DIDO1: variants seen among roughly 807,000 people sequenced by gnomAD.
The protein encoded by DIDO1 is death-inducer obliterator 1.
Under a neutral mutation model 99.4 loss-of-function variants are expected in DIDO1, and 16 were observed. The ratio of observed to expected loss-of-function variants is 0.16; its 90% CI spans 0.11 to 0.24. DIDO1 has a LOEUF of 0.24. DIDO1 is among the 10% of genes least tolerant of loss of function. The pLI, the probability that DIDO1 is intolerant of heterozygous loss-of-function variation, is 1.00. For missense variants in DIDO1, 2,996 were observed against 3,014.0 expected, an observed-to-expected ratio of 0.99 and a Z score of 0.14; for synonymous variants, 1,366 against 1,239.1, an observed-to-expected ratio of 1.10 and a Z score of -2.15.
chr20:62,906,358 C>A (rs1304858427), intron 5 of DIDO1, among the ~76,000 whole-genome samples: 1 of 152,186 alleles, frequency 6.6e-6, no homozygotes, highest in Non-Finnish European at 1.5e-5. Flanking sequence ...ACAGAGTCAC[C>A]TGCAACCCTG....
intron 6 of DIDO1, among the ~76,000 whole-genome samples, chr20:62,904,287 C>T (rs1378182732): frequency 6.6e-6 from 1 of 152,164 alleles, no homozygotes; most frequent in South Asian, 2.1e-4. Flanking sequence ...CGTAGAGGTG[C>T]TAGAATCTGA....
chr20:62,910,383 G>A (rs1445322574), intron 3 of DIDO1, among the ~76,000 whole-genome samples: 1 of 152,218 alleles, frequency 6.6e-6, no homozygotes, highest in Non-Finnish European at 1.5e-5. Flanking sequence ...TTTGCACTAG[G>A]ACACTTGCGG....
rs773059417 is a variant in DIDO1, at chr20:62,911,051, G to A, written c.562C>T (p.Leu188=). ...CCCTCCTCCCGGCGCTTCTTCCGCA[G>A]GCGACTCTGGATCCCTTTCAGGGGC... ...ERPLKGIQSR[L]RKKRREEGPA... is the part of the protein sequence containing the mutation. Residue 188 remains leucine (L), a synonymous_variant, in exon 3 of 16, where the codon CTG becomes TTG. Transcript: ENST00000395343. The surrounding 1 kb of genome is among the most constrained non-coding windows in gnomAD (Gnocchi z 7.0). The A allele has an allele frequency of 3.1e-6, 5 of 1,613,748 alleles. No homozygotes were observed. The highest frequency in any genetic ancestry group is 1.1e-5 in the South Asian group (1 of 91,076).
intron 2 of DIDO1, among the ~76,000 whole-genome samples, chr20:62,913,305 C>A (rs374841907): frequency 5.2e-5 from 6 of 116,496 alleles, no homozygotes; most frequent in Non-Finnish European, 1.3e-4. Flanking sequence ...GCACCAGCAG[C>A]GACTCCAAGT....
intron 15 of DIDO1, chr20:62,890,194 T>A (rs2273084): frequency 2.0e-6 from 2 of 985,814 alleles, no homozygotes; most frequent in Non-Finnish European, 2.4e-6. Context: ...CACACCCGCT[T>A]TGAGAGAACA....
chr20:62,897,472 T>C (rs1184474774), intron 6 of DIDO1, among the ~76,000 whole-genome samples: 1 of 152,216 alleles, frequency 6.6e-6, no homozygotes. Context: ...TCTCACTTCG[T>C]TGTCCTTCCA....
At position 62,889,852 on chromosome 20, in the gene DIDO1, C is replaced by T. The variant is rs544095764; in HGVS notation, c.3541+1108G>A. 32 of 985,456 alleles carry T rather than the reference C, an allele frequency of 3.2e-5. No homozygotes were observed. In the East Asian group the frequency reaches 2.9e-3, roughly 91 times the overall value. 61.0% of individuals were successfully genotyped at this position (985,456 alleles called of 1,614,324 possible). On this transcript the variant is annotated intron_variant, in intron 15 of 15. Coordinates refer to ENST00000395343, the MANE Select transcript of DIDO1 (RefSeq NM_001193369.2). The stretch of plus-strand genomic sequence containing the variant: ...GCACCACGCCAGCAAATATTTAACC[C>T]TGAAATTACTGATACCAACCAATCC...
intron 1 of DIDO1, among the ~76,000 whole-genome samples, chr20:62,934,073 C>A (rs1009115354): frequency 2.6e-5 from 4 of 152,196 alleles, no homozygotes; most frequent in Non-Finnish European, 5.9e-5. Context: ...CATAGGAAAG[C>A]TCAGGCAGTT....
rs773360696 is a variant in DIDO1 at position 62,881,428 on chromosome 20, A to T, written c.4528T>A (p.Ser1510Thr). The change falls in exon 16 of 16, where the codon TCC becomes ACC. Residue 1510 changes from serine to threonine, a missense_variant. Ser to Thr is a moderately conservative substitution (Grantham distance 58, BLOSUM62 1). This residue lies in a region of DIDO1 where 1,562 missense variants were observed against 1,412.6 expected (regional missense o/e 1.11). Transcript: ENST00000395343. The surrounding 1 kb of genome is among the most constrained non-coding windows in gnomAD (Gnocchi z 8.3). ...TCCGACACCGAGAAGTGGGCCATGGAGACCCCGACGGCGGCCCTCTGCTGC... is the reference window on the plus strand; with the variant it reads ...TCCGACACCGAGAAGTGGGCCATGGTGACCCCGACGGCGGCCCTCTGCTGC... The part of the protein sequence containing the change: ...LRQQRAAVGV[S>T]MAHFSVSDAL... 3.2e-5 allele frequency: 52 copies of T among 1,606,824 alleles called. No individual in the cohort carries two copies. The highest frequency in any genetic ancestry group is 3.3e-4 in the Middle Eastern group (2 of 6,084).
chr20:62,923,956 A>G (rs1443295525), intron 1 of DIDO1, among the ~76,000 whole-genome samples: 2 of 152,244 alleles, frequency 1.3e-5, no homozygotes, highest in East Asian at 1.9e-4. Flanking sequence ...ATTCAACTTC[A>G]TATAACAACT....
intron 15 of DIDO1, among the ~76,000 whole-genome samples, chr20:62,884,649 C>T (rs544643179): frequency 1.3e-5 from 2 of 152,282 alleles, no homozygotes; most frequent in South Asian, 2.1e-4. Context: ...AGGCTGAGCA[C>T]GGAAGATGGG....
Position 62,879,165 on chromosome 20 carries a change from C to A in DIDO1, c.*68G>T. 1 of 1,366,034 alleles carries A rather than the reference C, an allele frequency of 7.3e-7. No individual in the cohort carries two copies. Among genetic ancestry groups the A allele is most frequent in the South Asian group, 1.7e-5 (1 of 60,460 alleles). 84.6% of individuals were successfully genotyped at this position (1,366,034 alleles called of 1,614,324 possible). A position where few individuals can be genotyped will look rare whatever the true frequency, so the allele number is the denominator to read the frequency against. On this transcript the variant is annotated 3_prime_UTR_variant, in exon 16 of 16. Coordinates refer to ENST00000395343, the MANE Select transcript of DIDO1 (RefSeq NM_001193369.2). The surrounding 1 kb of genome is among the most constrained non-coding windows in gnomAD (Gnocchi z 6.3). ...CCTGAATCTAAGATCGTGGCTATTT[C>A]AAAAGCTATTTGTTCAACGCATCTT...
chr20:62,900,145 G>A (rs1201234326), intron 6 of DIDO1, among the ~76,000 whole-genome samples: 1 of 152,198 alleles, frequency 6.6e-6, no homozygotes, highest in Non-Finnish European at 1.5e-5. Flanking sequence ...TGGTGACCTG[G>A]TCACACCGCA....
At position 62,909,899 on chromosome 20, in the gene DIDO1, T is replaced by C. The variant is rs371476210; in HGVS notation, c.961A>G (p.Ile321Val). ...GEDYICPNCT[I>V]LQVQDETHSE... ...TGAGTCTCATCCTGCACTTGCAGAA[T>C]GGTGCAGTTTGGGCAGATATAGTCT... The change falls in exon 4 of 16, where the codon ATT becomes GTT. Residue 321 changes from isoleucine (I) to valine (V), a missense_variant. Physicochemically the swap from Ile to Val is conservative, Grantham distance 29. Transcript: ENST00000395343. 5.0e-6 allele frequency: 8 copies of C among 1,614,232 alleles called. No individual in the cohort carries two copies. Among genetic ancestry groups the C allele is most frequent in the Non-Finnish European group, 6.8e-6 (8 of 1,180,050 alleles).
intron 1 of DIDO1, among the ~76,000 whole-genome samples, chr20:62,936,930 T>C (rs1199788483): frequency 6.6e-6 from 1 of 152,236 alleles, no homozygotes; most frequent in African/African-American, 2.4e-5. Flanking sequence ...ATGAAAAAAT[T>C]ACTGGCATGT....
At position 62,911,339 on chromosome 20, in the gene DIDO1, A is replaced by G. The variant is rs2064934440; in HGVS notation, c.274T>C (p.Ser92Pro). 1 of 1,608,692 alleles carries G rather than the reference A, an allele frequency of 6.2e-7. No homozygotes were observed. The highest frequency in any genetic ancestry group is 1.1e-5 in the South Asian group (1 of 91,070). ...GTGGGCTCACCAGAATCCTCCAGGG[A>G]GACAGGCATGCTCCTCCTGCCGCGG... ...RRRGRRSMPV[S>P]LEDSGEPTSC... Residue 92 changes from serine to proline, a missense_variant, in exon 3 of 16, where the codon TCC becomes CCC. By Grantham distance (74) the Ser-to-Pro change is moderately conservative. Around this residue, in one of 5 missense-constraint regions of DIDO1, gnomAD observed 388 missense variants for 376.6 expected, o/e 1.03. Transcript: ENST00000395343. The surrounding 1 kb of genome is among the most constrained non-coding windows in gnomAD (Gnocchi z 7.0).
At chr20:62,924,641 A>G (rs541571394) in intron 1 of DIDO1, among the ~76,000 whole-genome samples, 5 of 152,192 alleles carry the variant, frequency 3.3e-5, no homozygotes, top group Non-Finnish European at 7.3e-5. Context: ...CCTTACATGA[A>G]GAAACCCCAG....
In DIDO1 at chr20:62,911,807, T is replaced by C. The variant is rs553112330; in HGVS notation, c.-2-193A>G. Among the ~76,000 whole-genome samples the C allele has an allele frequency of 4.6e-5, 7 of 152,230 alleles. No individual in the cohort carries two copies. The highest frequency in any genetic ancestry group is 2.1e-4 in the South Asian group (1 of 4,834). On this transcript the variant is annotated intron_variant, in intron 2 of 15. Coordinates refer to ENST00000395343, the MANE Select transcript of DIDO1 (RefSeq NM_001193369.2). The surrounding 1 kb of genome is among the most constrained non-coding windows in gnomAD (Gnocchi z 7.0). ...AGATGATTTGTAAAGATAATTTTAA[T>C]ATAGTTAAACAACTAACGTTTAGAC...
Position 62,894,049 on chromosome 20 carries a change from A to G in DIDO1, c.2718T>C (p.Ala906=). 1.2e-6 allele frequency: 2 copies of G among 1,614,272 alleles called. No individual in the cohort carries two copies. Among genetic ancestry groups the G allele is most frequent in the Non-Finnish European group, 1.7e-6 (2 of 1,180,044 alleles). ...CTGGCTCAGAGGCAACTTCAGGCACAGCCTCCGGCATCACCTCATCAGCTG... is the reference window on the plus strand; with the variant it reads ...CTGGCTCAGAGGCAACTTCAGGCACGGCCTCCGGCATCACCTCATCAGCTG... The part of the protein sequence containing the change: ...PDSADEVMPE[A]VPEVASEPGL... The change falls in exon 12 of 16, where the codon GCT becomes GCC. Residue 906 remains alanine, a synonymous_variant. Transcript: ENST00000395343. The surrounding 1 kb of genome is among the most constrained non-coding windows in gnomAD (Gnocchi z 4.4).
Sources: allele counts gnomAD v4.1 joint callset (sites outside exome capture counted in the v4.1 genomes callset), GRCh38; gene constraint gnomAD v4.1.1; regional missense constraint gnomAD v4.1.1; non-coding constraint Gnocchi (gnomAD v3.1); transcripts MANE v1.5; gene names NCBI Gene and HGNC (gene_info 2026-07-23, HGNC 2026-07-21).